PDE3B: variants seen among roughly 807,000 people sequenced by gnomAD.
PDE3B encodes the protein cGMP-inhibited 3',5'-cyclic phosphodiesterase 3B.
Under a neutral mutation model 116.8 loss-of-function variants are expected in PDE3B, and 66 were observed. That is an observed-to-expected ratio of 0.56 (90% CI 0.46 to 0.69). The LOEUF (loss-of-function observed/expected upper bound fraction) is 0.69, where lower values mean the gene tolerates loss of function less well. PDE3B is among the 30% of genes least tolerant of loss of function. PDE3B has a pLI of 0.00. For missense variants in PDE3B, 1,384 were observed against 1,368.1 expected (o/e 1.01, Z -0.18); for synonymous variants, 595 against 533.6 (o/e 1.12, Z -1.59).
intron 1 of PDE3B, among the ~76,000 whole-genome samples, chr11:14,665,589 T>C (rs1390681308): frequency 6.6e-6 from 1 of 152,202 alleles, no homozygotes; most frequent in Non-Finnish European, 1.5e-5. Context: ...ACAAAGTCAA[T>C]GTACAAAAAT....
At chr11:14,709,104 G>T (rs1432947056) in intron 1 of PDE3B, among the ~76,000 whole-genome samples, 1 of 151,968 alleles carries the variant, frequency 6.6e-6, no homozygotes, top group African/African-American at 2.4e-5. Flanking sequence ...AATATTTTTT[G>T]AATCTAGAGG....
Position 14,845,709 on chromosome 11 carries a change from C to T in PDE3B, c.2520+1683C>T, listed in dbSNP as rs377378664. On this transcript the variant is annotated intron_variant, in intron 12 of 15. Transcript: ENST00000282096. The stretch of plus-strand genomic sequence containing the variant: ...TGAAGAATGCAGAAGCCTCAGGAGC[C>T]GATGTGATCAACCGGAAGAAAGGGT... 1.1e-4 allele frequency among the ~76,000 whole-genome samples: 17 copies of T among 152,064 alleles called. No individual in the cohort carries two copies. In the East Asian group the frequency reaches 1.4e-3, roughly 12 times the overall value.
intron 1 of PDE3B, among the ~76,000 whole-genome samples, chr11:14,721,036 G>A (rs925599516): frequency 2.9e-5 from 4 of 135,788 alleles, no homozygotes; most frequent in Non-Finnish European, 4.7e-5. Flanking sequence ...CTGACAAAGG[G>A]CTAATATCCA....
intron 1 of PDE3B, chr11:14,673,957 A>C: frequency 7.4e-7 from 1 of 1,351,704 alleles, no homozygotes; most frequent in East Asian, 2.3e-5. Flanking sequence ...GATTTCTTGT[A>C]ATTTGCGTAA....
At chr11:14,729,042 T>C (rs1035904182) in intron 1 of PDE3B, among the ~76,000 whole-genome samples, 2 of 152,166 alleles carry the variant, frequency 1.3e-5, no homozygotes, top group African/African-American at 4.8e-5. Context: ...ACAGCTGATT[T>C]ATCTTTGTAG....
At chr11:14,829,627 G>A (rs1859807483) in intron 7 of PDE3B, among the ~76,000 whole-genome samples, 1 of 152,038 alleles carries the variant, frequency 6.6e-6, no homozygotes, top group Non-Finnish European at 1.5e-5. Flanking sequence ...ACTTATAAGT[G>A]GGAGATGAAT....
chr11:14,850,356 G>A (rs1003213529), intron 12 of PDE3B, among the ~76,000 whole-genome samples: 7 of 151,896 alleles, frequency 4.6e-5, no homozygotes, highest in African/African-American at 1.7e-4. Context: ...GGGAAGGGGG[G>A]AGGGATAGCT....
intron 1 of PDE3B, among the ~76,000 whole-genome samples, chr11:14,767,650 A>C (rs1049195139): frequency 1.5e-4 from 22 of 151,590 alleles, no homozygotes; most frequent in African/African-American, 5.1e-4. Flanking sequence ...TGCAGGTCTT[A>C]GAGAACCTTT....
the PDE3B span, chr11:14,891,838 C>A: frequency 7.1e-7 from 1 of 1,415,774 alleles, no homozygotes; most frequent in Non-Finnish European, 9.3e-7. Flanking sequence ...ACCCGGGAAG[C>A]GGGTGTCCCT....
intron 7 of PDE3B, among the ~76,000 whole-genome samples, chr11:14,820,859 A>T (rs1343665077): frequency 6.6e-6 from 1 of 152,228 alleles, no homozygotes; most frequent in Non-Finnish European, 1.5e-5. Flanking sequence ...ACTGTGAGAA[A>T]TAAATTCCTA....
chr11:14,709,949 A>G (rs1248889764), intron 1 of PDE3B, among the ~76,000 whole-genome samples: 1 of 152,172 alleles, frequency 6.6e-6, no homozygotes, highest in Non-Finnish European at 1.5e-5. Context: ...ATCTCACCCT[A>G]TCCAAAGGAA....
chr11:14,723,305 G>A (rs571355820), intron 1 of PDE3B, among the ~76,000 whole-genome samples: 44 of 152,172 alleles, frequency 2.9e-4, no homozygotes, highest in Admixed American at 4.6e-4. Context: ...AAATTTTGAT[G>A]GATGCTGGAG....
chr11:14,808,923 T>A (rs1468011556), intron 5 of PDE3B, among the ~76,000 whole-genome samples: 1 of 152,208 alleles, frequency 6.6e-6, no homozygotes, highest in East Asian at 1.9e-4. Context: ...ATTATTAAGA[T>A]GGCAATATTC....
At chr11:14,759,760 G>A (rs764655145) in intron 1 of PDE3B, among the ~76,000 whole-genome samples, 2 of 151,968 alleles carry the variant, frequency 1.3e-5, no homozygotes, top group Non-Finnish European at 2.9e-5. Context: ...TGTTGGCCCA[G>A]ATGGTCTCTA....
intron 1 of PDE3B, among the ~76,000 whole-genome samples, chr11:14,742,546 G>C (rs575376754): frequency 5.3e-5 from 8 of 152,134 alleles, no homozygotes; most frequent in Non-Finnish European, 1.0e-4. Flanking sequence ...CTTTAGCTCA[G>C]AATCGTTTGT....
chr11:14,818,083 T>C (rs1027044692), intron 5 of PDE3B, 100 bp from the exon 6 acceptor site: 1 of 784,260 alleles, frequency 1.3e-6, no homozygotes, highest in African/African-American at 1.7e-5. Flanking sequence ...CTGCTTTTTT[T>C]AAATAAGGAA....
intron 4 of PDE3B, among the ~76,000 whole-genome samples, chr11:14,794,001 A>G (rs957968688): frequency 1.3e-5 from 2 of 152,226 alleles, no homozygotes; most frequent in Admixed American, 6.5e-5. Flanking sequence ...AACTGCATTG[A>G]AACTGAGTTG....
Position 14,869,733 on chromosome 11 carries a change from C to CGGTGAACACTAGGCAATGAT in PDE3B, c.*73_*74insGGTGAACACTAGGCAATGAT. On this transcript the variant is annotated 3_prime_UTR_variant, in exon 16 of 16. Transcript: ENST00000282096. ...TGTGCCCAGGGGCAGAAATCATTGCCTAGTGTTCACCGGCTGACTCTCAAC... is the reference window on the plus strand; with the variant it reads ...TGTGCCCAGGGGCAGAAATCATTGCCGGTGAACACTAGGCAATGATTAGTGTTCACCGGCTGACTCTCAAC... 1 of 1,242,354 alleles carries CGGTGAACACTAGGCAATGAT rather than the reference C, an allele frequency of 8.0e-7. No individual in the cohort carries two copies. The highest frequency in any genetic ancestry group is 1.2e-6 in the Non-Finnish European group (1 of 867,130). 77.0% of individuals were successfully genotyped at this position (1,242,354 alleles called of 1,614,324 possible).
chr11:14,648,212 AGGTTTTGAAAGG>A, intron 1 of PDE3B, among the ~76,000 whole-genome samples: 1 of 152,096 alleles, frequency 6.6e-6, no homozygotes, highest in African/African-American at 2.4e-5. Flanking sequence ...GGTAAATACA[AGGTTTTGAAAGG>A]CATAAGTTAG....
Sources: allele counts gnomAD v4.1 joint callset (sites outside exome capture counted in the v4.1 genomes callset), GRCh38; gene constraint gnomAD v4.1.1; transcripts MANE v1.5; gene names NCBI Gene and HGNC (gene_info 2026-07-23, HGNC 2026-07-21).